VDAC2: variants seen among roughly 807,000 people sequenced by gnomAD.
VDAC2 encodes the protein voltage dependent anion channel 2, also known as non-selective voltage-gated ion channel VDAC2.
VDAC2 carries 6 observed loss-of-function variants against 36.6 expected under a neutral mutation model. That is an observed-to-expected ratio of 0.16 (90% CI 0.09 to 0.32). The LOEUF (loss-of-function observed/expected upper bound fraction) is 0.32, where lower values mean the gene tolerates loss of function less well. Ranked by LOEUF, VDAC2 falls within the 10% of genes least tolerant of loss-of-function variation. The pLI, the probability that VDAC2 is intolerant of heterozygous loss-of-function variation, is 1.00. For missense variants in VDAC2, 247 were observed against 346.0 expected (o/e 0.71, Z 2.27); for synonymous variants, 109 against 123.8 (o/e 0.88, Z 0.79).
chr10:75,213,019 C>T (rs1212500038), intron 3 of VDAC2, among the ~76,000 whole-genome samples: 1 of 152,018 alleles, frequency 6.6e-6, no homozygotes, highest in Non-Finnish European at 1.5e-5. Flanking sequence ...TTTATTTAGA[C>T]TGTTGGAAAT....
rs569341637 is a variant in VDAC2 at position 75,220,945 on chromosome 10, G to C, written c.559G>C (p.Gly187Arg). The C allele has an allele frequency of 1.2e-6, 2 of 1,612,726 alleles. No homozygotes were observed. The highest frequency in any genetic ancestry group is 2.7e-5 in the African/African-American group (2 of 74,996). Reference protein sequence around the residue: ...RNNFAVGYRTGDFQLHTNVND... With the variant: ...RNNFAVGYRTRDFQLHTNVND... Reference sequence around the variant, plus strand: ...TAACTTTGCAGTGGGCTACAGGACTGGGGACTTCCAGCTACACACTAATGT... The same window carrying C: ...TAACTTTGCAGTGGGCTACAGGACTCGGGACTTCCAGCTACACACTAATGT... Residue 187 changes from glycine (G) to arginine (R), a missense_variant, in exon 7 of 10, where the codon GGG (glycine) becomes CGG (arginine). By Grantham distance (125) the Gly-to-Arg change is moderately radical. This residue lies in a region of VDAC2 where 159 missense variants were observed against 234.0 expected (regional missense o/e 0.68). Coordinates refer to ENST00000332211, the MANE Select transcript of VDAC2 (RefSeq NM_001391963.1).
At chr10:75,228,516 A>G (rs1842022881) in intron 8 of VDAC2, among the ~76,000 whole-genome samples, 1 of 152,010 alleles carries the variant, frequency 6.6e-6, no homozygotes, top group Non-Finnish European at 1.5e-5. Context: ...TGGCCTCCCA[A>G]AGTGCAGGGA....
chr10:75,222,136 C>CTA (rs768930641), intron 7 of VDAC2, 116 bp from the exon 8 acceptor site: 1 of 1,144,708 alleles, frequency 8.7e-7, no homozygotes, highest in Non-Finnish European at 1.2e-6. Flanking sequence ...CAGTGGAACA[C>CTA]TAAAGACCCA....
chr10:75,225,395 T>A (rs1345686268), intron 8 of VDAC2, among the ~76,000 whole-genome samples: 1 of 152,260 alleles, frequency 6.6e-6, no homozygotes, highest in African/African-American at 2.4e-5. Flanking sequence ...GAGCTCCATT[T>A]GGCCCTTGTT....
chr10:75,225,002 T>G (rs897366251), intron 8 of VDAC2, among the ~76,000 whole-genome samples: 18 of 152,240 alleles, frequency 1.2e-4, no homozygotes, highest in African/African-American at 4.3e-4. Flanking sequence ...TGATTTTTTT[T>G]GTACCATGCT....
At chr10:75,218,986 G>T in intron 4 of VDAC2, 77 bp from the exon 5 acceptor site, 1 of 1,421,090 alleles carries the variant, frequency 7.0e-7, no homozygotes, top group Non-Finnish European at 9.5e-7. Context: ...GGGGGTTTGT[G>T]TGTGTGTGCG....
intron 3 of VDAC2, 63 bp downstream of exon 3, chr10:75,212,361 G>A (rs1841450981): frequency 7.1e-7 from 1 of 1,406,996 alleles, no homozygotes; most frequent in South Asian, 1.2e-5. Context: ...GGGTTGCTTA[G>A]CGAAATCAGA....
intron 2 of VDAC2, chr10:75,211,408 G>T (rs1285335530): frequency 1.0e-5 from 15 of 1,448,806 alleles, no homozygotes; most frequent in Admixed American, 7.9e-5. Context: ...TGGCCGCATG[G>T]ACTTTTCAGC....
chr10:75,222,149 T>A, intron 7 of VDAC2, 103 bp from the exon 8 acceptor site: 1 of 1,269,476 alleles, frequency 7.9e-7, no homozygotes, highest in Non-Finnish European at 1.1e-6. Context: ...AAGACCCACT[T>A]GAGCTGTGGT....
chr10:75,212,358 T>C (rs1841450918), intron 3 of VDAC2, 60 bp downstream of exon 3: 2 of 1,448,886 alleles, frequency 1.4e-6, no homozygotes, highest in Non-Finnish European at 9.5e-7. Context: ...TTTGGGTTGC[T>C]TAGCGAAATC....
intron 8 of VDAC2, among the ~76,000 whole-genome samples, chr10:75,225,778 A>G (rs972238437): frequency 2.0e-5 from 3 of 151,408 alleles, no homozygotes; most frequent in Admixed American, 6.6e-5. Flanking sequence ...TTTTCTCTTC[A>G]TAGGACCGAG....
At chr10:75,211,335 C>A in intron 2 of VDAC2, 146 bp downstream of exon 2, 1 of 1,403,800 alleles carries the variant, frequency 7.1e-7, no homozygotes, top group Non-Finnish European at 9.6e-7. Context: ...ACCACCTCCT[C>A]TGCGGAGGAG....
At chr10:75,227,373 G>GTT (rs111735207) in intron 8 of VDAC2, among the ~76,000 whole-genome samples, 98 of 152,254 alleles carry the variant, frequency 6.4e-4, no homozygotes, top group African/African-American at 2.2e-3. Context: ...CCCTGAACCT[G>GTT]TGTGATCCGA....
In VDAC2 at chr10:75,227,995, C is replaced by T. The variant is rs1484148160; in HGVS notation, c.736-1649C>T. The stretch of plus-strand genomic sequence containing the variant: ...CTGCAACCTCCGCCTCCCGGGTTCA[C>T]GCCTTTCTCCTGCCTTAGCCTCCCG... On this transcript the variant is annotated intron_variant, in intron 8 of 9. Transcript: ENST00000332211. Among the ~76,000 whole-genome samples the T allele has an allele frequency of 5.3e-5, 8 of 150,742 alleles. No homozygotes were observed. In the East Asian group the frequency reaches 9.8e-4, roughly 18 times the overall value.
At chr10:75,211,449 A>G in intron 2 of VDAC2, 1 of 1,492,280 alleles carries the variant, frequency 6.7e-7, no homozygotes, top group East Asian at 2.5e-5. Context: ...TATAGAAGTA[A>G]AAAGTTGTTA....
chr10:75,212,347 G>C, intron 3 of VDAC2, 49 bp downstream of exon 3: 2 of 1,519,546 alleles, frequency 1.3e-6, no homozygotes, highest in Non-Finnish European at 1.8e-6. Context: ...GAAAATGTAT[G>C]TTTGGGTTGC....
chr10:75,219,112 G>C lies in VDAC2; in HGVS notation c.200G>C (p.Gly67Ala). The change falls in exon 5 of 10, where the codon GGG (glycine) becomes GCG (alanine). Residue 67 changes from glycine to alanine, a missense_variant. Physicochemically the swap from Gly to Ala is moderately conservative, Grantham distance 60. This residue lies in a region of VDAC2 where 12 missense variants were observed against 35.1 expected (regional missense o/e 0.34). Coordinates refer to ENST00000332211, the MANE Select transcript of VDAC2 (RefSeq NM_001391963.1). ...AATACAGACACTGGTAAAGTTACTG[G>C]GACCTTGGAGACCAAATACAAGTGG... ...SSNTDTGKVT[G>A]TLETKYKWCE... 1 of 1,612,714 alleles carries C rather than the reference G, an allele frequency of 6.2e-7. No homozygotes were observed. The highest frequency in any genetic ancestry group is 8.5e-7 in the Non-Finnish European group (1 of 1,179,690).
In VDAC2 at chr10:75,220,980, T is replaced by TC. The variant is rs1220925124; in HGVS notation, c.584+11dup. ...AGCTACACACTAATGTGTAAGTATTTCTTTCATAGGATACTGTGATGTGGG... is the reference window on the plus strand; with the variant it reads ...AGCTACACACTAATGTGTAAGTATTTCCTTTCATAGGATACTGTGATGTGGG... On this transcript the variant is annotated intron_variant, in intron 7 of 9. Coordinates refer to ENST00000332211, the MANE Select transcript of VDAC2 (RefSeq NM_001391963.1). 1.9e-6 allele frequency: 3 copies of TC among 1,609,366 alleles called. No individual in the cohort carries two copies. The African/African-American group carries it at 4.0e-5, about 21-fold the overall frequency.
In VDAC2 at chr10:75,212,160, C is replaced by T. The variant is rs564959899; in HGVS notation, c.32-70C>T. On this transcript the variant is annotated intron_variant, in intron 2 of 9. Coordinates refer to ENST00000332211, the MANE Select transcript of VDAC2 (RefSeq NM_001391963.1). The stretch of plus-strand genomic sequence containing the variant: ...TTGAATTTTAATATCAGCAGTGGGT[C>T]ATGCTCTTGTTCTTGGATAGAAGGT... The T allele has an allele frequency of 5.1e-6, 7 of 1,367,624 alleles. No homozygotes were observed. In the South Asian group the frequency reaches 6.0e-5, roughly 12 times the overall value. The allele number at this position is 1,367,624 out of a possible 1,614,324, so 84.7% of individuals were successfully genotyped here.
Sources: allele counts gnomAD v4.1 joint callset (sites outside exome capture counted in the v4.1 genomes callset), GRCh38; gene constraint gnomAD v4.1.1; regional missense constraint gnomAD v4.1.1; transcripts MANE v1.5; gene names NCBI Gene and HGNC (gene_info 2026-07-23, HGNC 2026-07-21).